Variants in PCM1 observed in about 807,000 individuals in gnomAD.
PCM1 encodes pericentriolar material 1 protein.
In PCM1, 157 loss-of-function variants were observed where a neutral mutation model predicts 241.9. The ratio of observed to expected loss-of-function variants is 0.65; its 90% CI spans 0.57 to 0.74. The LOEUF (loss-of-function observed/expected upper bound fraction) is 0.74, where lower values mean the gene tolerates loss of function less well. PCM1 is among the 30% of genes least tolerant of loss of function. The pLI is 0.00. For synonymous variants in PCM1, 1,085 were observed against 784.9 expected, an observed-to-expected ratio of 1.38 and a Z score of -6.39; for missense variants, 3,478 against 2,360.1, an observed-to-expected ratio of 1.47 and a Z score of -9.81.
At chr8:17,932,088 A>G (rs1038358135) in intron 2 of PCM1, among the ~76,000 whole-genome samples, 2 of 152,074 alleles carry the variant, frequency 1.3e-5, no homozygotes, top group Non-Finnish European at 2.9e-5. Flanking sequence ...TGATACACCG[A>G]CAGGTTATAT....
intron 13 of PCM1, among the ~76,000 whole-genome samples, chr8:17,959,389 TTTAG>T (rs1231843055): frequency 3.9e-5 from 6 of 152,186 alleles, no homozygotes; most frequent in East Asian, 3.9e-4. Context: ...ATCGATGGAC[TTTAG>T]TTAATGTATA....
chr8:18,009,259 C>T (rs2092069138), intron 30 of PCM1, among the ~76,000 whole-genome samples: 1 of 152,116 alleles, frequency 6.6e-6, no homozygotes, highest in African/African-American at 2.4e-5. Context: ...TGTCAGGGAA[C>T]TTTCTGGTAT....
chr8:18,013,203 T>C (rs954674221), intron 34 of PCM1, among the ~76,000 whole-genome samples: 2 of 152,184 alleles, frequency 1.3e-5, no homozygotes, highest in Admixed American at 6.5e-5. Context: ...TGAAGCTAGA[T>C]TGGGAATGGG....
At position 18,027,921 on chromosome 8, in the gene PCM1, T is replaced by C. The variant is rs1225428829; in HGVS notation, c.*259T>C. ...TCATTTTTTTCCCCATTGTGATGTT[T>C]GGTAACGAATTTAAAATGTAGTTTT... On this transcript the variant is annotated 3_prime_UTR_variant, in exon 39 of 39. Coordinates refer to ENST00000325083, the MANE Select transcript of PCM1 (RefSeq NM_006197.4). 1 of 370,250 alleles carries C rather than the reference T, an allele frequency of 2.7e-6. No individual in the cohort carries two copies. The highest frequency in any genetic ancestry group is 4.8e-6 in the Non-Finnish European group (1 of 207,482). The allele number at this position is 370,250 out of a possible 1,614,324, so 22.9% of individuals were successfully genotyped here.
At chr8:17,927,978 T>C (rs2057663598) in intron 2 of PCM1, 1 of 149,332 alleles carries the variant, frequency 6.7e-6, no homozygotes, top group South Asian at 2.1e-4. Context: ...TAAAAATAGC[T>C]AAATGAAACT....
intron 36 of PCM1, among the ~76,000 whole-genome samples, chr8:18,020,410 TTAA>T (rs2093658951): frequency 2.0e-5 from 3 of 152,192 alleles, no homozygotes; most frequent in Admixed American, 6.5e-5. Flanking sequence ...CCAACATGTC[TTAA>T]TAAGTAGACT....
At chr8:17,926,558 G>A (rs2057040265) in intron 2 of PCM1, 3 of 152,202 alleles carry the variant, frequency 2.0e-5, no homozygotes, top group Admixed American at 6.5e-5. Context: ...GCCATTTTAT[G>A]ATCATTTCCC....
intron 18 of PCM1, 24 bp from the exon 19 acceptor site, chr8:17,965,975 T>C: frequency 6.4e-7 from 1 of 1,567,956 alleles, no homozygotes; most frequent in South Asian, 1.2e-5. Flanking sequence ...GTATGATGAC[T>C]TAATGCTTTC....
chr8:17,942,231 C>A (rs1346921403), intron 6 of PCM1, among the ~76,000 whole-genome samples: 1 of 152,120 alleles, frequency 6.6e-6, no homozygotes, highest in African/African-American at 2.4e-5. Context: ...CTTTGGAAGA[C>A]TGAGGTGGGC....
intron 36 of PCM1, among the ~76,000 whole-genome samples, chr8:18,018,731 A>T (rs1011153077): frequency 1.7e-4 from 26 of 151,120 alleles, no homozygotes; most frequent in Admixed American, 1.7e-3. Context: ...GAATCGCTTG[A>T]ACCCGGGAGG....
chr8:17,996,863 G>C (rs956384573), intron 29 of PCM1, among the ~76,000 whole-genome samples: 1 of 151,906 alleles, frequency 6.6e-6, no homozygotes, highest in African/African-American at 2.4e-5. Context: ...ATATCTTACT[G>C]TACCATGTCT....
chr8:18,023,321 C>A (rs2093908900), intron 36 of PCM1, among the ~76,000 whole-genome samples: 2 of 152,152 alleles, frequency 1.3e-5, no homozygotes, highest in Non-Finnish European at 2.9e-5. Flanking sequence ...TGTGATCTCC[C>A]AAACTCGAAT....
At chr8:17,944,878 A>T (rs2063286557) in intron 6 of PCM1, among the ~76,000 whole-genome samples, 2 of 152,156 alleles carry the variant, frequency 1.3e-5, no homozygotes, top group Admixed American at 1.3e-4. Flanking sequence ...AAATCTGAAG[A>T]TAATTGTGTT....
At chr8:17,936,215 A>C (rs1563670286) in intron 3 of PCM1, among the ~76,000 whole-genome samples, 1 of 152,102 alleles carries the variant, frequency 6.6e-6, no homozygotes, top group African/African-American at 2.4e-5. Flanking sequence ...CCTAATTTGG[A>C]TTAGATATGT....
At chr8:17,966,955 A>C (rs1439372922) in intron 20 of PCM1, 25 bp from the exon 21 acceptor site, 1 of 1,567,706 alleles carries the variant, frequency 6.4e-7, no homozygotes, top group East Asian at 2.3e-5. Context: ...ACTGATTCTT[A>C]GATTACTGAC....
At chr8:17,925,985 T>C (rs1243925791) in intron 2 of PCM1, 1 of 151,532 alleles carries the variant, frequency 6.6e-6, no homozygotes. Context: ...ATCTTAATTA[T>C]AATTCTCAGT....
rs1415618326 is a variant in PCM1 at position 17,985,427 on chromosome 8, T to C, written c.4109-20T>C. On this transcript the variant is annotated intron_variant, in intron 24 of 38. Coordinates refer to ENST00000325083, the MANE Select transcript of PCM1 (RefSeq NM_006197.4). ...AGGTACTTCATCAATATTAACTTTC[T>C]GGTCTTTTATGTATTCCAGAAACTG... 4.6e-6 allele frequency: 7 copies of C among 1,526,752 alleles called. No homozygotes were observed. In the East Asian group the frequency reaches 1.7e-4, roughly 37 times the overall value. The allele number at this position is 1,526,752 out of a possible 1,614,324, so 94.6% of individuals were successfully genotyped here.
In PCM1 at chr8:17,969,712, T is replaced by C; in HGVS notation, c.3548T>C (p.Phe1183Ser). The C allele has an allele frequency of 6.2e-7, 1 of 1,610,948 alleles. No individual in the cohort carries two copies. Among genetic ancestry groups the C allele is most frequent in the Non-Finnish European group, 8.5e-7 (1 of 1,178,904 alleles). Residue 1183 changes from phenylalanine (F) to serine (S), a missense_variant, in exon 22 of 39, where the codon TTT (phenylalanine) becomes TCT (serine). Physicochemically the swap from Phe to Ser is radical, Grantham distance 155. Transcript: ENST00000325083. The part of the protein sequence containing the change: ...KTEYMAFPKP[F>S]ESSSSIGAEK... ...GAATATATGGCTTTTCCAAAACCTT[T>C]TGAAAGCAGTTCCTCTATTGGAGCA...
At chr8:18,001,545 A>G (rs2089427318) in intron 29 of PCM1, among the ~76,000 whole-genome samples, 1 of 152,234 alleles carries the variant, frequency 6.6e-6, no homozygotes, top group African/African-American at 2.4e-5. Context: ...CAAATGGAAT[A>G]GGAAGACAGG....
Sources: gnomAD v4.1 joint callset for allele counts (sites outside exome capture counted in the v4.1 genomes callset) on GRCh38, gnomAD v4.1.1 for gene constraint, MANE v1.5 for transcripts, NCBI Gene and HGNC (gene_info 2026-07-23, HGNC 2026-07-21) for gene names.